RSF1: variants seen among roughly 807,000 people sequenced by gnomAD.
The protein encoded by RSF1 is remodeling and spacing factor 1.
RSF1 carries 13 observed loss-of-function variants against 145.2 expected under a neutral mutation model. That is an observed-to-expected ratio of 0.09 (90% CI 0.06 to 0.14). The LOEUF (loss-of-function observed/expected upper bound fraction) is 0.14, where lower values mean the gene tolerates loss of function less well. RSF1 is among the 10% of genes least tolerant of loss of function. The pLI, the probability that RSF1 is intolerant of heterozygous loss-of-function variation, is 1.00. For synonymous variants in RSF1, 577 were observed against 592.6 expected (o/e 0.97, Z 0.38); for missense variants, 1,517 against 1,718.2 (o/e 0.88, Z 2.07).
intron 1 of RSF1, among the ~76,000 whole-genome samples, chr11:77,791,957 C>G (rs974701996): frequency 1.3e-5 from 2 of 152,194 alleles, no homozygotes; most frequent in African/African-American, 4.8e-5. Flanking sequence ...TTTCAGGTAT[C>G]TTTTCAGCAA....
At chr11:77,790,532 C>T (rs1206834675) in intron 1 of RSF1, among the ~76,000 whole-genome samples, 5 of 152,168 alleles carry the variant, frequency 3.3e-5, no homozygotes, top group African/African-American at 4.8e-5. Context: ...AAAGTCTTAA[C>T]TCATTTCAGT....
the RSF1 span, among the ~76,000 whole-genome samples, chr11:77,859,000 A>G: frequency 3.3e-5 from 5 of 152,196 alleles, no homozygotes; most frequent in Non-Finnish European, 7.3e-5. Context: ...AGTTTTGAAA[A>G]GGCCTGGTCC....
At chr11:77,808,525 AC>A (rs1474956016) in intron 1 of RSF1, among the ~76,000 whole-genome samples, 1 of 84,048 alleles carries the variant, frequency 1.2e-5, no homozygotes, top group Non-Finnish European at 2.1e-5. Context: ...CAAATATTAT[AC>A]CTTTTTTTTT....
chr11:77,709,404 T>C (rs1051391312), intron 5 of RSF1, among the ~76,000 whole-genome samples: 5 of 152,228 alleles, frequency 3.3e-5, no homozygotes, highest in African/African-American at 4.8e-5. Context: ...ATACTGAAGA[T>C]AGTGCATGAC....
chr11:77,830,176 A>G, the RSF1 span: 3 of 152,266 alleles, frequency 2.0e-5, no homozygotes, highest in African/African-American at 7.2e-5. Flanking sequence ...ACAAAATAGG[A>G]AAAAATACAT....
intron 1 of RSF1, among the ~76,000 whole-genome samples, chr11:77,776,584 G>C (rs1240871547): frequency 1.3e-5 from 2 of 152,092 alleles, no homozygotes; most frequent in East Asian, 3.9e-4. Context: ...AAATGTATAT[G>C]ATGTACTTTA....
intron 3 of RSF1, among the ~76,000 whole-genome samples, chr11:77,743,066 G>C (rs1173149967): frequency 6.6e-6 from 1 of 152,096 alleles, no homozygotes; most frequent in Non-Finnish European, 1.5e-5. Context: ...ACATGAGTTT[G>C]TTTCTGGGCT....
chr11:77,764,671 T>G lies in RSF1; in HGVS notation c.206A>C (p.Glu69Ala). ...TTTCCTCATCAGCTTCAAATGGAGC[T>G]CCACCAATTCTTTTGGTACTTAAAA... The part of the protein sequence containing the change: ...GNGEVPKELV[E>A]LHLKLMRKIG... Residue 69 changes from glutamate to alanine, a missense_variant, in exon 2 of 16, where the codon GAG becomes GCG. Glu to Ala is a moderately radical substitution (Grantham distance 107). This residue lies in a region of RSF1 where 94 missense variants were observed against 143.6 expected (regional missense o/e 0.65). Coordinates refer to ENST00000308488, the MANE Select transcript of RSF1 (RefSeq NM_016578.4). 6.2e-7 allele frequency: 1 copy of G among 1,601,470 alleles called. No homozygotes were observed. The highest frequency in any genetic ancestry group is 8.5e-7 in the Non-Finnish European group (1 of 1,173,678).
At chr11:77,692,229 T>C (rs1202320930) in intron 8 of RSF1, among the ~76,000 whole-genome samples, 1 of 107,392 alleles carries the variant, frequency 9.3e-6, no homozygotes, top group Non-Finnish European at 1.8e-5. Flanking sequence ...ATTACTACTT[T>C]TAAATTTTTT....
At chr11:77,742,751 T>G (rs1947954896) in intron 3 of RSF1, among the ~76,000 whole-genome samples, 1 of 152,262 alleles carries the variant, frequency 6.6e-6, no homozygotes, top group South Asian at 2.1e-4. Flanking sequence ...GGCCATTTCC[T>G]ACGTCTTTTT....
At chr11:77,841,595 C>T in the RSF1 span, among the ~76,000 whole-genome samples, 1 of 152,144 alleles carries the variant, frequency 6.6e-6, no homozygotes, top group Non-Finnish European at 1.5e-5. Flanking sequence ...CCTCTTGAAC[C>T]TTCTTGCTTA....
the RSF1 span, chr11:77,869,312 CTTTTTT>C: frequency 7.9e-6 from 1 of 125,796 alleles, no homozygotes; most frequent in Non-Finnish European, 1.6e-5. Flanking sequence ...ATCTCTTTTT[CTTTTTT>C]TTTTTTTTTT....
intron 9 of RSF1, among the ~76,000 whole-genome samples, chr11:77,686,408 C>CAAAAAAAAAAAA (rs564410248): frequency 0.038 from 1,415 of 37,012 alleles, 316 homozygotes; most frequent in East Asian, 0.18. Flanking sequence ...GACCCTGTCT[C>CAAAAAAAAAAAA]AAAAAAAAAA....
At chr11:77,813,856 C>CACAG (rs1395930598) in intron 1 of RSF1, among the ~76,000 whole-genome samples, 9 of 147,722 alleles carry the variant, frequency 6.1e-5, no homozygotes, top group South Asian at 2.1e-4. Context: ...CACACACACA[C>CACAG]AGAGATAATG....
rs75791207 is a variant in RSF1 at position 77,727,042 on chromosome 11, C to A, written c.579-1343G>T. On this transcript the variant is annotated intron_variant, in intron 4 of 15. Transcript: ENST00000308488. ...CAATTATACATGAGAATAAAACATACATGTTCATACATATCATATGAGCAT... is the reference window on the plus strand; with the variant it reads ...CAATTATACATGAGAATAAAACATAAATGTTCATACATATCATATGAGCAT... Among the ~76,000 whole-genome samples, 18 of 152,282 alleles carry A rather than the reference C, an allele frequency of 1.2e-4. No individual in the cohort carries two copies. In the East Asian group the frequency reaches 3.5e-3, roughly 29 times the overall value.
intron 1 of RSF1, among the ~76,000 whole-genome samples, chr11:77,781,113 T>G (rs559576392): frequency 4.6e-4 from 70 of 152,082 alleles, no homozygotes; most frequent in African/African-American, 1.4e-3. Context: ...TCTTTTTTTT[T>G]TGAGAGAGAG....
intron 4 of RSF1, among the ~76,000 whole-genome samples, chr11:77,735,233 C>T (rs938816725): frequency 1.3e-5 from 2 of 152,102 alleles, no homozygotes; most frequent in African/African-American, 4.8e-5. Context: ...AAGAACGTCT[C>T]TATATTTATA....
Position 77,775,227 on chromosome 11 carries a change from G to C in RSF1, c.188-10538C>G, listed in dbSNP as rs551741990. Among the ~76,000 whole-genome samples, 3 of 148,534 alleles carry C rather than the reference G, an allele frequency of 2.0e-5. No individual in the cohort carries two copies. In the East Asian group the frequency reaches 6.0e-4, roughly 30 times the overall value. On this transcript the variant is annotated intron_variant, in intron 1 of 15. Coordinates refer to ENST00000308488, the MANE Select transcript of RSF1 (RefSeq NM_016578.4). ...TGCACCTTTGCATTCCAGCCTGGGG[G>C]ACAACAGCGAGACTCCATCTCAAAA...
At chr11:77,695,607 T>C (rs1468432535) in intron 7 of RSF1, among the ~76,000 whole-genome samples, 1 of 152,042 alleles carries the variant, frequency 6.6e-6, no homozygotes, top group Non-Finnish European at 1.5e-5. Flanking sequence ...ACTTCCTTAC[T>C]TTCTGGCACA....
Sources: gnomAD v4.1 joint callset for allele counts (sites outside exome capture counted in the v4.1 genomes callset) on GRCh38, gnomAD v4.1.1 for gene constraint, gnomAD v4.1.1 regional missense constraint, MANE v1.5 for transcripts, NCBI Gene and HGNC (gene_info 2026-07-23, HGNC 2026-07-21) for gene names.